Variants in PKHD1 observed in about 807,000 individuals in gnomAD.
PKHD1 encodes fibrocystin.
A neutral mutation model predicts 412.0 loss-of-function variants in PKHD1; 291 were observed. That is an observed-to-expected ratio of 0.71 (90% CI 0.64 to 0.78). The LOEUF (loss-of-function observed/expected upper bound fraction) is 0.78. PKHD1 is among the 30% of genes least tolerant of loss of function. The probability of loss-of-function intolerance (pLI) is 0.00; values close to 1 mark genes in which losing one functional copy is unlikely to be tolerated. For synonymous variants in PKHD1, 1,777 were observed against 1,821.5 expected (o/e 0.98, Z 0.62); for missense variants, 4,825 against 4,950.7 (o/e 0.97, Z 0.76).
intron 52 of PKHD1, among the ~76,000 whole-genome samples, chr6:51,810,960 C>T (rs1206249810): frequency 6.6e-6 from 1 of 151,988 alleles, no homozygotes; most frequent in Non-Finnish European, 1.5e-5. Context: ...GGGATTAAAC[C>T]CTATTTAACT....
intron 36 of PKHD1, among the ~76,000 whole-genome samples, chr6:51,949,336 T>C (rs1789956585): frequency 6.6e-6 from 1 of 152,174 alleles, no homozygotes; most frequent in South Asian, 2.1e-4. Context: ...CCATTCAAGA[T>C]GGACAAATCC....
chr6:51,932,508 T>C (rs1786787991), intron 37 of PKHD1, among the ~76,000 whole-genome samples: 1 of 152,180 alleles, frequency 6.6e-6, no homozygotes, highest in African/African-American at 2.4e-5. Context: ...CACCAACTTA[T>C]TCCCCAGATG....
intron 64 of PKHD1, among the ~76,000 whole-genome samples, chr6:51,635,333 A>C (rs1768390053): frequency 6.6e-6 from 1 of 152,168 alleles, no homozygotes; most frequent in Admixed American, 6.5e-5. Context: ...AGTCAGGGTG[A>C]CCAGGCGAAA....
intron 37 of PKHD1, among the ~76,000 whole-genome samples, chr6:51,919,516 G>T (rs2127701698): frequency 1.3e-5 from 2 of 152,314 alleles, no homozygotes; most frequent in East Asian, 3.9e-4. Context: ...GTACCATGCT[G>T]TTTTGGTTAC....
chr6:51,626,162 CTACT>C (rs1346717847), intron 66 of PKHD1, among the ~76,000 whole-genome samples: 3 of 152,056 alleles, frequency 2.0e-5, no homozygotes, highest in Non-Finnish European at 4.4e-5. Context: ...TCTCACTCAG[CTACT>C]TAGAGGCAGA....
chr6:51,879,101 A>T (rs1776993257), intron 46 of PKHD1, among the ~76,000 whole-genome samples: 1 of 83,274 alleles, frequency 1.2e-5, no homozygotes, highest in Non-Finnish European at 2.2e-5. Flanking sequence ...ACCACTGCTC[A>T]ACGAAATAAA....
intron 16 of PKHD1, among the ~76,000 whole-genome samples, chr6:52,057,987 A>G (rs1369727614): frequency 6.6e-6 from 1 of 152,244 alleles, no homozygotes; most frequent in East Asian, 1.9e-4. Flanking sequence ...GTCAAAAATT[A>G]TGGAATTTAA....
At chr6:51,779,990 G>T (rs1211571108) in intron 53 of PKHD1, among the ~76,000 whole-genome samples, 1 of 151,980 alleles carries the variant, frequency 6.6e-6, no homozygotes, top group Admixed American at 6.6e-5. Flanking sequence ...TACAGCATTT[G>T]TTTTCTGACT....
intron 60 of PKHD1, among the ~76,000 whole-genome samples, chr6:51,681,106 G>C (rs1309067269): frequency 2.6e-5 from 4 of 152,012 alleles, no homozygotes; most frequent in African/African-American, 9.7e-5. Context: ...CCCATGTATA[G>C]ACTGCATTGC....
At position 51,847,770 on chromosome 6, in the gene PKHD1, C is replaced by A; in HGVS notation, c.8107+5G>T. The A allele has an allele frequency of 6.3e-7, 1 of 1,599,246 alleles. No homozygotes were observed. Among genetic ancestry groups the A allele is most frequent in the Non-Finnish European group, 8.6e-7 (1 of 1,166,498 alleles). On this transcript the variant is annotated splice_donor_5th_base_variant and intron_variant, in intron 50 of 66. Coordinates refer to ENST00000371117, the MANE Select transcript of PKHD1 (RefSeq NM_138694.4). ...CTCAAAACATTCATCCAATTGGATA[C>A]TTACCCAGATAGGTGAGTTGCCTCA...
At chr6:51,983,229 G>A (rs932889521) in intron 35 of PKHD1, among the ~76,000 whole-genome samples, 9 of 152,186 alleles carry the variant, frequency 5.9e-5, no homozygotes, top group African/African-American at 1.2e-4. Context: ...AATTTTCTAC[G>A]TACCTACAGA....
chr6:51,906,084 T>C, intron 41 of PKHD1, 131 bp downstream of exon 41: 1 of 764,032 alleles, frequency 1.3e-6, no homozygotes, highest in East Asian at 2.7e-5. Context: ...AATGTTTTAC[T>C]GTAGCCCATT....
intron 36 of PKHD1, among the ~76,000 whole-genome samples, chr6:51,945,420 G>A (rs1414557501): frequency 6.6e-6 from 1 of 152,060 alleles, no homozygotes; most frequent in Non-Finnish European, 1.5e-5. Context: ...GCCTATTAAT[G>A]GTCTGTGGTT....
intron 35 of PKHD1, among the ~76,000 whole-genome samples, chr6:51,996,786 G>T (rs991376181): frequency 3.3e-5 from 5 of 152,206 alleles, no homozygotes; most frequent in Admixed American, 2.0e-4. Context: ...AGAGGAAGTG[G>T]CCTTAGTGTA....
chr6:51,802,788 T>G (rs1233839634), intron 52 of PKHD1, among the ~76,000 whole-genome samples: 1 of 151,064 alleles, frequency 6.6e-6, no homozygotes. Context: ...AAATAAATCT[T>G]CTCTTTTTGT....
chr6:52,033,338 T>G (rs1562190043), intron 28 of PKHD1, among the ~76,000 whole-genome samples, 173 bp from the exon 29 acceptor site: 2 of 152,222 alleles, frequency 1.3e-5, no homozygotes, highest in Admixed American at 1.3e-4. Flanking sequence ...CTGCACACTC[T>G]CCCCATCCTG....
At chr6:51,813,251 T>A (rs1248526699) in intron 52 of PKHD1, among the ~76,000 whole-genome samples, 1 of 152,174 alleles carries the variant, frequency 6.6e-6, no homozygotes, top group Non-Finnish European at 1.5e-5. Context: ...GATTTCTTAG[T>A]GTGTCAAACA....
rs535128714 is a variant in PKHD1 at position 52,017,490 on chromosome 6, G to A, written c.5520C>T (p.Cys1840=). ...LLESWPYLYI[C]EESSQCLFVP... ...CAAAGAGGCATTGGGAACTTTCCTC[G>A]CAAATGTAGAGGTAAGGCCACGATT... The change falls in exon 34 of 67, where the codon TGC becomes TGT. Residue 1840 remains cysteine, a synonymous_variant. Coordinates refer to ENST00000371117, the MANE Select transcript of PKHD1 (RefSeq NM_138694.4). 1.0e-4 allele frequency: 163 copies of A among 1,613,894 alleles called. 1 individual carries two copies. The South Asian group carries it at 1.4e-3, about 14-fold the overall frequency.
At position 51,938,541 on chromosome 6, in the gene PKHD1, C is replaced by G. The variant is rs142666305; in HGVS notation, c.5909-4219G>C. 8.0e-3 allele frequency among the ~76,000 whole-genome samples: 1,178 copies of G among 146,878 alleles called. 24 individuals carry two copies. Among genetic ancestry groups the G allele is most frequent in the African/African-American group, 0.028 (1,110 of 40,148 alleles). ...AGAACAACCCCCCTTTTTCCTTTAC[C>G]TCCCCAAATCTTATAAGATGGCCCC... is the stretch of plus-strand genomic sequence containing the variant. On this transcript the variant is annotated intron_variant, in intron 36 of 66. Coordinates refer to ENST00000371117, the MANE Select transcript of PKHD1 (RefSeq NM_138694.4).
Sources: allele counts gnomAD v4.1 joint callset (sites outside exome capture counted in the v4.1 genomes callset), GRCh38; gene constraint gnomAD v4.1.1; transcripts MANE v1.5; gene names NCBI Gene and HGNC (gene_info 2026-07-23, HGNC 2026-07-21).